Variants in RBFOX1 observed in about 807,000 individuals in gnomAD.
RBFOX1 encodes RNA binding protein fox-1 homolog 1.
A neutral mutation model predicts 57.7 loss-of-function variants in RBFOX1; 8 were observed. That is an observed-to-expected ratio of 0.14 (90% CI 0.08 to 0.25). The LOEUF is 0.25. RBFOX1 is among the 10% of genes least tolerant of loss of function. The probability of loss-of-function intolerance (pLI) is 1.00; values close to 1 mark genes in which losing one functional copy is unlikely to be tolerated. For synonymous variants in RBFOX1, 326 were observed against 222.4 expected, an observed-to-expected ratio of 1.47 and a Z score of -4.15; for missense variants, 611 against 548.5, an observed-to-expected ratio of 1.11 and a Z score of -1.14.
At chr16:7,326,179 G>A (rs559423713) in intron 4 of RBFOX1, among the ~76,000 whole-genome samples, 1 of 152,198 alleles carries the variant, frequency 6.6e-6, no homozygotes, top group Non-Finnish European at 1.5e-5. Flanking sequence ...CTGGGTGAAT[G>A]GCAGGCAAAC....
chr16:5,487,758 T>C (rs1426075526), intron 2 of RBFOX1, among the ~76,000 whole-genome samples: 1 of 152,178 alleles, frequency 6.6e-6, no homozygotes, highest in Non-Finnish European at 1.5e-5. Context: ...GCCCTCAGTA[T>C]GCTCTGCCCT....
intron 3 of RBFOX1, among the ~76,000 whole-genome samples, chr16:5,815,098 G>C (rs2055582203): frequency 6.6e-6 from 1 of 150,890 alleles, no homozygotes; most frequent in South Asian, 2.1e-4. Context: ...TCCTACCTCA[G>C]CCTCCTGAGT....
intron 3 of RBFOX1, among the ~76,000 whole-genome samples, chr16:5,680,990 C>T (rs533787508): frequency 4.0e-5 from 6 of 151,848 alleles, no homozygotes; most frequent in Admixed American, 1.3e-4. Context: ...TTTTAAGTGC[C>T]ATAAAAGAAA....
chr16:5,558,365 G>C (rs181681753), intron 2 of RBFOX1, among the ~76,000 whole-genome samples: 1 of 152,210 alleles, frequency 6.6e-6, no homozygotes, highest in South Asian at 2.1e-4. Context: ...GCCCAAAAGC[G>C]GTCCTCATGT....
At chr16:7,192,737 C>A (rs1458447432) in intron 4 of RBFOX1, among the ~76,000 whole-genome samples, 1 of 152,146 alleles carries the variant, frequency 6.6e-6, no homozygotes, top group Non-Finnish European at 1.5e-5. Context: ...GTGAGAGACC[C>A]AGGAGTGCTC....
chr16:6,324,467 G>A (rs1012922107), intron 2 of RBFOX1, among the ~76,000 whole-genome samples: 1 of 152,172 alleles, frequency 6.6e-6, no homozygotes, highest in African/African-American at 2.4e-5. Flanking sequence ...GAAACTTACA[G>A]TTATGGCAGA....
At chr16:7,371,623 G>T (rs552840425) in intron 4 of RBFOX1, among the ~76,000 whole-genome samples, 5 of 152,170 alleles carry the variant, frequency 3.3e-5, no homozygotes, top group African/African-American at 1.2e-4. Context: ...GGTGGCAGGC[G>T]CCTATAATCC....
chr16:6,053,847 C>T (rs374690537), intron 1 of RBFOX1, among the ~76,000 whole-genome samples: 100 of 152,142 alleles, frequency 6.6e-4, no homozygotes, highest in African/African-American at 2.2e-3. Context: ...CGCTTGAGCA[C>T]AGGAGTTCAA....
intron 2 of RBFOX1, among the ~76,000 whole-genome samples, chr16:6,342,799 TCAC>T: frequency 6.6e-6 from 1 of 152,218 alleles, no homozygotes; most frequent in Non-Finnish European, 1.5e-5. Flanking sequence ...TATATGCCAC[TCAC>T]AAGCTCGTCT....
chr16:6,139,570 C>CA (rs1171163710), intron 1 of RBFOX1, among the ~76,000 whole-genome samples: 2 of 152,072 alleles, frequency 1.3e-5, no homozygotes, highest in African/African-American at 2.4e-5. Context: ...GTGTTTGAAA[C>CA]AAAAAAACAC....
intron 4 of RBFOX1, among the ~76,000 whole-genome samples, chr16:7,337,773 C>T (rs1022235535): frequency 7.9e-5 from 12 of 152,308 alleles, no homozygotes; most frequent in African/African-American, 2.6e-4. Context: ...CAACCTCCAC[C>T]TCCCAGGTTC....
chr16:6,674,789 T>G (rs1326262503), intron 3 of RBFOX1, among the ~76,000 whole-genome samples: 1 of 152,218 alleles, frequency 6.6e-6, no homozygotes, highest in Non-Finnish European at 1.5e-5. Context: ...AAGGATTCTT[T>G]CCTAGAGTCC....
chr16:5,825,377 A>G lies in RBFOX1; in HGVS notation c.319-41926A>G, dbSNP rs186301841. Among the ~76,000 whole-genome samples, 274 of 152,252 alleles carry G rather than the reference A, an allele frequency of 1.8e-3. 1 individual carries two copies. Among genetic ancestry groups the G allele is most frequent in the African/African-American group, 6.0e-3 (250 of 41,546 alleles). Reference sequence around the variant, plus strand: ...TTTTGCAGATTCCACCTTCATGCTCATTTCCTGTATACAATCACAGCTCTT... The same window carrying G: ...TTTTGCAGATTCCACCTTCATGCTCGTTTCCTGTATACAATCACAGCTCTT... On this transcript the variant is annotated intron_variant, in intron 3 of 19. Coordinates refer to the RBFOX1 transcript ENST00000641259.
chr16:5,301,056 C>T (rs2063789737), intron 1 of RBFOX1, among the ~76,000 whole-genome samples: 1 of 152,208 alleles, frequency 6.6e-6, no homozygotes, highest in African/African-American at 2.4e-5. Context: ...CTCCTCCCTT[C>T]ATGTGTGAAC....
intron 3 of RBFOX1, among the ~76,000 whole-genome samples, chr16:5,653,398 C>G (rs987325308): frequency 6.7e-6 from 1 of 149,564 alleles, no homozygotes; most frequent in African/African-American, 2.5e-5. Flanking sequence ...AGGTGGGGTG[C>G]TGAGCCGTGT....
At chr16:6,991,787 T>C (rs1398539734) in intron 3 of RBFOX1, among the ~76,000 whole-genome samples, 1 of 152,138 alleles carries the variant, frequency 6.6e-6, no homozygotes, top group Non-Finnish European at 1.5e-5. Context: ...TCTGCCTGCT[T>C]AGGCCTTCCA....
chr16:6,883,772 A>G (rs1282070252), intron 3 of RBFOX1, among the ~76,000 whole-genome samples: 1 of 152,334 alleles, frequency 6.6e-6, no homozygotes, highest in East Asian at 1.9e-4. Flanking sequence ...TGTGAGCTGA[A>G]AATACATGGG....
intron 11 of RBFOX1, among the ~76,000 whole-genome samples, chr16:7,634,836 C>T (rs2061512596): frequency 6.6e-6 from 1 of 152,174 alleles, no homozygotes; most frequent in African/African-American, 2.4e-5. Context: ...TAAAATGGGC[C>T]TGCTTTCTAT....
At chr16:6,749,468 T>G (rs2074474431) in intron 3 of RBFOX1, among the ~76,000 whole-genome samples, 1 of 152,034 alleles carries the variant, frequency 6.6e-6, no homozygotes, top group Non-Finnish European at 1.5e-5. Context: ...TCCGGGGAGG[T>G]AGGACTCATG....
Sources: allele counts gnomAD v4.1 joint callset (sites outside exome capture counted in the v4.1 genomes callset), GRCh38; gene constraint gnomAD v4.1.1; transcripts MANE v1.5; gene names NCBI Gene and HGNC (gene_info 2026-07-23, HGNC 2026-07-21).